Variants in ACTN4 observed in about 807,000 individuals in gnomAD.
ACTN4 encodes alpha-actinin-4.
A neutral mutation model predicts 114.2 loss-of-function variants in ACTN4; 18 were observed. The observed-to-expected ratio is 0.16, with a 90% CI of 0.11 to 0.23. The LOEUF is 0.23. Among genes scored for constraint, ACTN4 ranks in the 10% least tolerant of loss-of-function variants. The probability of loss-of-function intolerance (pLI) is 1.00; values close to 1 mark genes in which losing one functional copy is unlikely to be tolerated. For synonymous variants in ACTN4, 515 were observed against 506.3 expected (o/e 1.02, Z -0.23); for missense variants, 722 against 1,262.9 (o/e 0.57, Z 6.49).
chr19:38,731,207 G>A lies in ACTN4; in HGVS notation c.*1775G>A. On this transcript the variant is annotated 3_prime_UTR_variant, in exon 21 of 21. Coordinates refer to ENST00000252699, the MANE Select transcript of ACTN4 (RefSeq NM_004924.6). ...GGCTGGTGAGGGTCTGGGTCAGCTG[G>A]TTGTTCAGGTGGAAGCCTAGGGGGA... The A allele has an allele frequency of 1.2e-6, 2 of 1,612,700 alleles. No individual in the cohort carries two copies. Among genetic ancestry groups the A allele is most frequent in the African/African-American group, 1.3e-5 (1 of 75,028 alleles).
intron 3 of ACTN4, among the ~76,000 whole-genome samples, chr19:38,702,630 G>A (rs1386155503): frequency 6.6e-6 from 1 of 152,198 alleles, no homozygotes; most frequent in African/African-American, 2.4e-5. Flanking sequence ...TGAGGCTCGA[G>A]CTGCCTCGCT....
intron 5 of ACTN4, 127 bp from the exon 6 acceptor site, chr19:38,707,990 T>C (rs577466637): frequency 1.0e-6 from 1 of 959,884 alleles, no homozygotes; most frequent in Non-Finnish European, 1.7e-6. Flanking sequence ...ACTGTCTCCA[T>C]GCAGTGCCTG....
At chr19:38,649,727 G>A (rs755903902) in intron 1 of ACTN4, among the ~76,000 whole-genome samples, 7 of 152,106 alleles carry the variant, frequency 4.6e-5, no homozygotes, top group African/African-American at 1.7e-4. Flanking sequence ...TCTCGAGGGC[G>A]CGAGTTGGTG....
intron 1 of ACTN4, among the ~76,000 whole-genome samples, chr19:38,683,685 C>T (rs895772119): frequency 2.6e-5 from 4 of 152,222 alleles, no homozygotes; most frequent in Non-Finnish European, 5.9e-5. Flanking sequence ...GTCCGGGAAC[C>T]GATTTGGTAT....
At chr19:38,649,967 G>A (rs182558368) in intron 1 of ACTN4, among the ~76,000 whole-genome samples, 1 of 152,298 alleles carries the variant, frequency 6.6e-6, no homozygotes, top group East Asian at 1.9e-4. Context: ...GACAGGTTGC[G>A]ATAGTTGGCA....
chr19:38,721,071 G>A (rs1846839508), intron 11 of ACTN4, among the ~76,000 whole-genome samples: 1 of 152,220 alleles, frequency 6.6e-6, no homozygotes, highest in Non-Finnish European at 1.5e-5. Context: ...ACGTGGAGAG[G>A]ACCACCACCT....
intron 1 of ACTN4, among the ~76,000 whole-genome samples, chr19:38,650,797 G>T (rs80087997): frequency 6.6e-6 from 1 of 152,116 alleles, no homozygotes; most frequent in Non-Finnish European, 1.5e-5. Context: ...TTGCCCGGGC[G>T]TGATCTTGGC....
At chr19:38,713,815 C>A (rs1968747131) in intron 8 of ACTN4, among the ~76,000 whole-genome samples, 1 of 146,512 alleles carries the variant, frequency 6.8e-6, no homozygotes, top group East Asian at 2.5e-4. Flanking sequence ...CCCGTGTGCA[C>A]CCCCTGCCTC....
chr19:38,665,106 G>A (rs1023499723), intron 1 of ACTN4, among the ~76,000 whole-genome samples: 1 of 152,128 alleles, frequency 6.6e-6, no homozygotes, highest in Non-Finnish European at 1.5e-5. Context: ...CTGCACCCCG[G>A]GAGGGGGTGT....
Position 38,706,066 on chromosome 19 carries a change from C to T in ACTN4, c.507C>T (p.Leu169=). ...SVEETSAKEG[L]LLWCQRKTAP... is the part of the protein sequence containing the mutation. ...CAGAGACCTCGGCCAAGGAAGGGCT[C>T]CTTCTCTGGTGCCAGAGAAAGACAG... Residue 169 remains leucine, a synonymous_variant, in exon 5 of 21, where the codon CTC becomes CTT. Coordinates refer to ENST00000252699, the MANE Select transcript of ACTN4 (RefSeq NM_004924.6). 1.9e-6 allele frequency: 3 copies of T among 1,614,188 alleles called. No individual in the cohort carries two copies. The highest frequency in any genetic ancestry group is 1.1e-5 in the South Asian group (1 of 91,076).
intron 1 of ACTN4, among the ~76,000 whole-genome samples, chr19:38,651,088 CT>C (rs973256397): frequency 3.9e-5 from 6 of 152,186 alleles, no homozygotes; most frequent in African/African-American, 1.4e-4. Context: ...GATTGCCCTT[CT>C]TGCCTCTCCA....
intron 1 of ACTN4, among the ~76,000 whole-genome samples, chr19:38,655,015 C>T (rs975591614): frequency 6.6e-6 from 1 of 152,168 alleles, no homozygotes; most frequent in Non-Finnish European, 1.5e-5. Flanking sequence ...CCCCCTCCCC[C>T]AGGAGTGAGG....
intron 1 of ACTN4, among the ~76,000 whole-genome samples, chr19:38,690,210 A>G (rs1967878473): frequency 1.3e-5 from 2 of 152,118 alleles, no homozygotes; most frequent in Non-Finnish European, 2.9e-5. Flanking sequence ...AAATCTTGCA[A>G]CTGCACACTC....
rs576628196 is a variant in ACTN4, at chr19:38,727,479, G to GC, written c.2337+379dup. Among the ~76,000 whole-genome samples the GC allele has an allele frequency of 6.6e-6, 1 of 152,270 alleles. No homozygotes were observed. Among genetic ancestry groups the GC allele is most frequent in the South Asian group, 2.1e-4 (1 of 4,820 alleles). ...TTGGTCCGGCAGCCTCATCAGAGGG[G>GC]CCCTGAGCGCCAGAGTTTGCTGCCA... is the stretch of plus-strand genomic sequence containing the variant. On this transcript the variant is annotated intron_variant, in intron 18 of 20. Transcript: ENST00000252699. This position sits in a 1 kb window ranked among gnomAD's most constrained non-coding sequence, Gnocchi z 5.4.
chr19:38,661,612 T>C (rs1976888033), intron 1 of ACTN4, among the ~76,000 whole-genome samples: 1 of 152,204 alleles, frequency 6.6e-6, no homozygotes, highest in African/African-American at 2.4e-5. Context: ...CTGATTTTTT[T>C]TCCAATAAGT....
intron 1 of ACTN4, among the ~76,000 whole-genome samples, chr19:38,657,473 C>T (rs1055227927): frequency 1.3e-5 from 2 of 152,078 alleles, no homozygotes; most frequent in Admixed American, 6.6e-5. Context: ...AAGACTGGGT[C>T]TCACTATGTT....
intron 12 of ACTN4, among the ~76,000 whole-genome samples, chr19:38,722,508 A>G (rs989539889): frequency 6.6e-6 from 1 of 152,108 alleles, no homozygotes; most frequent in Admixed American, 6.6e-5. Context: ...GTGGAGCCCC[A>G]TGCTGGGCAG....
rs192859436 is a variant in ACTN4 at position 38,705,228 on chromosome 19, C to T, written c.484+208C>T. On this transcript the variant is annotated intron_variant, in intron 4 of 20. Transcript: ENST00000252699. Reference sequence around the variant, plus strand: ...TCTTGGCTCCAGTGCCTTCCGAGTGCCTTTGCTCTCACAGCCTCATCTCAG... The same window carrying T: ...TCTTGGCTCCAGTGCCTTCCGAGTGTCTTTGCTCTCACAGCCTCATCTCAG... Among the ~76,000 whole-genome samples the T allele has an allele frequency of 1.2e-4, 18 of 152,332 alleles. No individual in the cohort carries two copies. In the East Asian group the frequency reaches 3.3e-3, roughly 28 times the overall value.
chr19:38,731,141 G>A lies in ACTN4; in HGVS notation c.*1709G>A, dbSNP rs139997883. On this transcript the variant is annotated 3_prime_UTR_variant, in exon 21 of 21. Transcript: ENST00000252699. ...AGGTGAGGTGGGCCACACAGGACAC[G>A]AACCGCTCGAAGTCCACACGCAGAC... is the stretch of plus-strand genomic sequence containing the variant. The A allele has an allele frequency of 1.1e-3, 1,741 of 1,612,968 alleles. 18 individuals are homozygous for A. In the African/African-American group the frequency reaches 0.019, roughly 18 times the overall value.
Sources: allele counts gnomAD v4.1 joint callset (sites outside exome capture counted in the v4.1 genomes callset), GRCh38; gene constraint gnomAD v4.1.1; non-coding constraint Gnocchi (gnomAD v3.1); transcripts MANE v1.5; gene names NCBI Gene and HGNC (gene_info 2026-07-23, HGNC 2026-07-21).